Variants in LNX1 observed in about 807,000 individuals in gnomAD.
The protein encoded by LNX1 is ligand of numb-protein X 1.
LNX1 carries 54 observed loss-of-function variants against 68.4 expected under a neutral mutation model. The ratio of observed to expected loss-of-function variants is 0.79; its 90% CI spans 0.63 to 0.99. The LOEUF (loss-of-function observed/expected upper bound fraction) is 0.99. Ranked by LOEUF, LNX1 falls within the 50% of genes least tolerant of loss-of-function variation. LNX1 has a pLI of 0.00. For missense variants in LNX1, 906 were observed against 926.4 expected, an observed-to-expected ratio of 0.98 and a Z score of 0.29; for synonymous variants, 336 against 350.0, an observed-to-expected ratio of 0.96 and a Z score of 0.45.
exon 1 of LNX1, chr4:53,652,433 C>G (rs1397640800): frequency 6.6e-6 from 1 of 152,286 alleles, no homozygotes; most frequent in Non-Finnish European, 1.5e-5. Flanking sequence ...GGAGAGTGGT[C>G]CCCTGCAGAG....
chr4:53,480,386 T>C (rs770743182), intron 7 of LNX1, among the ~76,000 whole-genome samples: 8 of 152,206 alleles, frequency 5.3e-5, no homozygotes, highest in Non-Finnish European at 8.8e-5. Context: ...AAAACCACAG[T>C]GCAGATGGAG....
chr4:53,575,756 G>C, intron 1 of LNX1: 1 of 1,556,600 alleles, frequency 6.4e-7, no homozygotes. Context: ...CATCATCCTG[G>C]TGGTAGTCAC....
chr4:53,473,241 A>G (rs1723353826), intron 9 of LNX1, among the ~76,000 whole-genome samples: 1 of 152,230 alleles, frequency 6.6e-6, no homozygotes, highest in African/African-American at 2.4e-5. Context: ...ATGGAACAGA[A>G]CACAAAAGTG....
intron 8 of LNX1, among the ~76,000 whole-genome samples, chr4:53,477,706 C>T (rs534457311): frequency 7.5e-4 from 114 of 152,146 alleles, no homozygotes; most frequent in African/African-American, 2.7e-3. Context: ...ATTTTTTTAT[C>T]TTCATCCTGT....
intron 8 of LNX1, 128 bp from the exon 9 acceptor site, chr4:53,477,109 A>G: frequency 1.3e-6 from 1 of 797,212 alleles, no homozygotes; most frequent in Admixed American, 2.1e-5. Flanking sequence ...TTCTTTGTTG[A>G]CGGGAGGCTG....
intron 2 of LNX1, chr4:53,558,201 C>T (rs891896791): frequency 3.2e-5 from 41 of 1,300,170 alleles, no homozygotes; most frequent in East Asian, 7.2e-5. Context: ...CCACGGTTGG[C>T]GAGAGAGCTT....
intron 2 of LNX1, among the ~76,000 whole-genome samples, chr4:53,573,092 G>T (rs954511573): frequency 6.6e-6 from 1 of 152,104 alleles, no homozygotes; most frequent in Non-Finnish European, 1.5e-5. Context: ...ACCCTCTCTG[G>T]TATATTTCAC....
intron 2 of LNX1, chr4:53,549,449 AAG>A (rs1729343081): frequency 8.0e-6 from 1 of 124,322 alleles, no homozygotes; most frequent in African/African-American, 2.8e-5. Flanking sequence ...AAGAACGGAG[AAG>A]AGGAGGAGGA....
chr4:53,499,990 C>T (rs1232925728), intron 4 of LNX1: 2 of 152,246 alleles, frequency 1.3e-5, no homozygotes, highest in East Asian at 3.9e-4. Context: ...ATTGTGACCA[C>T]ACAGAAAACA....
At chr4:53,517,754 C>T (rs1294859478) in intron 2 of LNX1, among the ~76,000 whole-genome samples, 1 of 151,422 alleles carries the variant, frequency 6.6e-6, no homozygotes, top group Non-Finnish European at 1.5e-5. Flanking sequence ...CATGGCTGCT[C>T]ACATAGCTAC....
At chr4:53,569,218 C>A (rs1340069305) in intron 2 of LNX1, among the ~76,000 whole-genome samples, 2 of 151,974 alleles carry the variant, frequency 1.3e-5, no homozygotes, top group African/African-American at 4.8e-5. Context: ...AATCCTAAGC[C>A]AAAGGAACAA....
At chr4:53,477,023 A>C (rs1298785819) in intron 8 of LNX1, 42 bp from the exon 9 acceptor site, 2 of 1,524,398 alleles carry the variant, frequency 1.3e-6, no homozygotes, top group Admixed American at 1.7e-5. Context: ...GTGAGAGCAC[A>C]AACAGGGACT....
intron 2 of LNX1, among the ~76,000 whole-genome samples, chr4:53,613,436 T>C (rs1000464991): frequency 2.0e-5 from 3 of 152,108 alleles, no homozygotes; most frequent in African/African-American, 7.2e-5. Flanking sequence ...GGTTTAGTTG[T>C]ACAGATTATT....
rs1442759452 is a variant in LNX1 at position 53,522,060 on chromosome 4, G to A, written c.381-13833C>T. 4.6e-5 allele frequency among the ~76,000 whole-genome samples: 7 copies of A among 152,034 alleles called. No individual in the cohort carries two copies. In the East Asian group the frequency reaches 1.3e-3, roughly 29 times the overall value. On this transcript the variant is annotated intron_variant, in intron 2 of 10. Transcript: ENST00000263925. ...TCCTTCCATCTCGATCTCCCAACTA[G>A]CTAGACTACCAGCGAGAGCCACCAC... is the stretch of plus-strand genomic sequence containing the variant.
At chr4:53,464,268 C>T (rs1226784274) in intron 9 of LNX1, among the ~76,000 whole-genome samples, 1 of 152,024 alleles carries the variant, frequency 6.6e-6, no homozygotes, top group Non-Finnish European at 1.5e-5. Context: ...GAGTAATGTA[C>T]AGCCTCCTAC....
intron 1 of LNX1, among the ~76,000 whole-genome samples, chr4:53,622,953 C>T (rs548832708): frequency 2.0e-5 from 3 of 152,278 alleles, no homozygotes; most frequent in South Asian, 2.1e-4. Context: ...TGAGTGAATA[C>T]AGTTGCACAA....
At chr4:53,541,869 G>T (rs1327389917) in intron 2 of LNX1, among the ~76,000 whole-genome samples, 1 of 152,146 alleles carries the variant, frequency 6.6e-6, no homozygotes, top group African/African-American at 2.4e-5. Context: ...TGTAATAAGT[G>T]AAATTTGGAG....
chr4:53,470,172 G>C lies in LNX1; in HGVS notation c.1892+6581C>G, dbSNP rs1471592740. ...TCAAGTGGGCTTCATCCCTGGGATGGAAGGCTGGTTCAACATATGCAAATC... is the reference window on the plus strand; with the variant it reads ...TCAAGTGGGCTTCATCCCTGGGATGCAAGGCTGGTTCAACATATGCAAATC... On this transcript the variant is annotated intron_variant, in intron 9 of 10. Coordinates refer to ENST00000263925, the MANE Select transcript of LNX1 (RefSeq NM_001126328.3). Among the ~76,000 whole-genome samples, 7 of 152,146 alleles carry C rather than the reference G, an allele frequency of 4.6e-5. No homozygotes were observed. In the South Asian group the frequency reaches 6.2e-4, roughly 14 times the overall value.
At chr4:53,582,995 T>C (rs2109802244) in intron 1 of LNX1, among the ~76,000 whole-genome samples, 1 of 152,362 alleles carries the variant, frequency 6.6e-6, no homozygotes, top group East Asian at 1.9e-4. Context: ...TGGCCCTAGC[T>C]GTAACTCCTA....
Sources: allele counts gnomAD v4.1 joint callset (sites outside exome capture counted in the v4.1 genomes callset), GRCh38; gene constraint gnomAD v4.1.1; transcripts MANE v1.5; gene names NCBI Gene and HGNC (gene_info 2026-07-23, HGNC 2026-07-21).